Variants in NKAIN3 observed in about 807,000 individuals in gnomAD.
NKAIN3 encodes sodium/potassium-transporting ATPase subunit beta-1-interacting protein 3.
A neutral mutation model predicts 30.2 loss-of-function variants in NKAIN3; 25 were observed. The observed-to-expected ratio is 0.83, with a 90% confidence interval of 0.60 to 1.16. NKAIN3 has a LOEUF of 1.16. NKAIN3 is among the 50% of genes most tolerant of loss of function. NKAIN3 has a pLI of 0.00. For synonymous variants in NKAIN3, 91 were observed against 89.6 expected, an observed-to-expected ratio of 1.02 and a Z score of -0.09; for missense variants, 225 against 254.1, an observed-to-expected ratio of 0.89 and a Z score of 0.78.
At chr8:62,546,678 A>G (rs1256356896) in intron 1 of NKAIN3, among the ~76,000 whole-genome samples, 1 of 152,176 alleles carries the variant, frequency 6.6e-6, no homozygotes, top group African/African-American at 2.4e-5. Context: ...ACCAGACACT[A>G]TTTCAAACCA....
chr8:62,754,387 T>C (rs189631759), intron 4 of NKAIN3, among the ~76,000 whole-genome samples: 1,570 of 129,138 alleles, frequency 0.012, 28 homozygotes, highest in African/African-American at 0.04. Flanking sequence ...CACACACACA[T>C]GCACACATAT....
intron 1 of NKAIN3, among the ~76,000 whole-genome samples, chr8:62,414,894 G>A (rs1197141245): frequency 1.3e-5 from 2 of 151,324 alleles, no homozygotes; most frequent in Non-Finnish European, 2.9e-5. Context: ...CATTTACCCA[G>A]CACACTTTCA....
At chr8:62,771,336 TAAAG>T (rs60308560) in intron 4 of NKAIN3, among the ~76,000 whole-genome samples, 26,397 of 151,756 alleles carry the variant, frequency 0.17, 2,460 homozygotes, top group East Asian at 0.29. Context: ...AAAATCTCAA[TAAAG>T]AAAGAGATTT....
intron 1 of NKAIN3, among the ~76,000 whole-genome samples, chr8:62,456,284 G>A (rs969786449): frequency 2.0e-5 from 3 of 152,170 alleles, no homozygotes; most frequent in Non-Finnish European, 4.4e-5. Context: ...AACTTTGGGA[G>A]GCCGACGTGG....
intron 5 of NKAIN3, among the ~76,000 whole-genome samples, chr8:62,998,690 T>C (rs1304191515): frequency 6.6e-6 from 1 of 152,236 alleles, no homozygotes; most frequent in African/African-American, 2.4e-5. Flanking sequence ...TTTTCTGTCA[T>C]CCAGTTTTCT....
At chr8:62,310,512 A>T (rs1814394031) in intron 1 of NKAIN3, among the ~76,000 whole-genome samples, 1 of 150,636 alleles carries the variant, frequency 6.6e-6, no homozygotes, top group South Asian at 2.1e-4. Context: ...TCCTTAACGT[A>T]AATGTTCCTA....
chr8:62,756,510 A>T (rs1816456851), intron 4 of NKAIN3, among the ~76,000 whole-genome samples: 4 of 152,184 alleles, frequency 2.6e-5, no homozygotes, highest in Admixed American at 2.6e-4. Context: ...CTAAAATTTA[A>T]ATTTAGTTAG....
chr8:62,300,502 A>G (rs1354279456), intron 1 of NKAIN3, among the ~76,000 whole-genome samples: 1 of 152,126 alleles, frequency 6.6e-6, no homozygotes, highest in African/African-American at 2.4e-5. Context: ...GTCAATTTTA[A>G]CCTTTTATTA....
intron 5 of NKAIN3, among the ~76,000 whole-genome samples, chr8:62,949,168 A>G (rs936288116): frequency 2.0e-5 from 3 of 152,166 alleles, no homozygotes; most frequent in Non-Finnish European, 4.4e-5. Context: ...CACCTTGCAC[A>G]TGTTGTCTCC....
intron 4 of NKAIN3, among the ~76,000 whole-genome samples, chr8:62,899,773 T>C (rs1484871029): frequency 2.6e-5 from 4 of 152,136 alleles, no homozygotes; most frequent in Non-Finnish European, 5.9e-5. Flanking sequence ...AAGGATAAAA[T>C]GCTTGAAGGG....
At chr8:62,963,657 C>T (rs1436297005) in intron 6 of NKAIN3, among the ~76,000 whole-genome samples, 1 of 152,152 alleles carries the variant, frequency 6.6e-6, no homozygotes, top group Non-Finnish European at 1.5e-5. Context: ...AATCCCATCC[C>T]TTTCTCTTTT....
intron 5 of NKAIN3, among the ~76,000 whole-genome samples, chr8:62,998,357 C>A (rs971151836): frequency 1.3e-5 from 2 of 152,000 alleles, no homozygotes; most frequent in Non-Finnish European, 2.9e-5. Context: ...CTTACTGAAA[C>A]CTCCACCCCC....
chr8:62,485,657 G>A (rs1415142999), intron 1 of NKAIN3, among the ~76,000 whole-genome samples: 5 of 152,220 alleles, frequency 3.3e-5, no homozygotes, highest in Admixed American at 3.3e-4. Context: ...TCTGGCAGCA[G>A]TGCTGAGGAC....
chr8:62,282,136 C>T (rs1438391202), intron 1 of NKAIN3, among the ~76,000 whole-genome samples: 2 of 152,106 alleles, frequency 1.3e-5, no homozygotes, highest in African/African-American at 2.4e-5. Context: ...CGACCCCAGA[C>T]CCTGGGTTTC....
At chr8:62,693,332 C>T (rs1342804536) in intron 3 of NKAIN3, among the ~76,000 whole-genome samples, 1 of 152,210 alleles carries the variant, frequency 6.6e-6, no homozygotes, top group African/African-American at 2.4e-5. Flanking sequence ...CACCTCATTA[C>T]AAGAGGCAAG....
rs919187546 is a variant in NKAIN3 at position 62,980,169 on chromosome 8, A to G, written c.*14762A>G. On this transcript the variant is annotated 3_prime_UTR_variant, in exon 7 of 7. Coordinates refer to ENST00000623646, the MANE Select transcript of NKAIN3 (RefSeq NM_001304533.3). The stretch of plus-strand genomic sequence containing the variant: ...GCCTCCTGATGATTTTTCATCAAAC[A>G]TGAAAATAGCTTACTTTTAACTGCT... 6.6e-6 allele frequency: 1 copy of G among 152,184 alleles called. No homozygotes were observed. The allele number at this position is 152,184 out of a possible 1,614,324, so 9.4% of individuals were successfully genotyped here.
At chr8:62,367,238 G>A (rs1446987802) in intron 1 of NKAIN3, among the ~76,000 whole-genome samples, 1 of 152,114 alleles carries the variant, frequency 6.6e-6, no homozygotes, top group Non-Finnish European at 1.5e-5. Context: ...AGCTTACCCT[G>A]ATACCAAAGC....
chr8:62,375,545 C>T (rs7838296), intron 1 of NKAIN3, among the ~76,000 whole-genome samples: 5,109 of 152,092 alleles, frequency 0.034, 328 homozygotes, highest in African/African-American at 0.12. Flanking sequence ...TTCTGAACTT[C>T]GATTGATTTT....
intron 4 of NKAIN3, among the ~76,000 whole-genome samples, chr8:62,790,309 T>C (rs890259097): frequency 2.0e-5 from 3 of 152,106 alleles, no homozygotes; most frequent in African/African-American, 7.2e-5. Context: ...ATGGGATGTA[T>C]CTCAAAATAA....
Sources: allele counts gnomAD v4.1 joint callset (sites outside exome capture counted in the v4.1 genomes callset), GRCh38; gene constraint gnomAD v4.1.1; transcripts MANE v1.5; gene names NCBI Gene and HGNC (gene_info 2026-07-23, HGNC 2026-07-21).